Variants in ANKK1 observed in about 807,000 individuals in gnomAD.
ANKK1 encodes ankyrin repeat and protein kinase domain-containing protein 1.
In ANKK1, 37 loss-of-function variants were observed where a neutral mutation model predicts 37.6. The ratio of observed to expected loss-of-function variants is 0.98; its 90% CI spans 0.76 to 1.29. The LOEUF is 1.29. Ranked by LOEUF, ANKK1 falls within the 50% of genes most tolerant of loss-of-function variation. The pLI is 0.00. For synonymous variants in ANKK1, 415 were observed against 418.7 expected, an observed-to-expected ratio of 0.99 and a Z score of 0.11; for missense variants, 1,019 against 990.6, an observed-to-expected ratio of 1.03 and a Z score of -0.39.
At chr11:113,394,260 C>T (rs1407389839) in intron 2 of ANKK1, among the ~76,000 whole-genome samples, 2 of 152,140 alleles carry the variant, frequency 1.3e-5, no homozygotes, top group Non-Finnish European at 2.9e-5. Context: ...CAGTAGGTCC[C>T]CATTATATGC....
At position 113,399,061 on chromosome 11, in the gene ANKK1, C is replaced by A; in HGVS notation, c.1092C>A (p.Thr364=). 1 of 1,603,474 alleles carries A rather than the reference C, an allele frequency of 6.2e-7. No individual in the cohort carries two copies. The highest frequency in any genetic ancestry group is 1.7e-5 in the Admixed American group (1 of 58,808). ...EELCIYENKV[T]PLHFLVAQGS... The stretch of plus-strand genomic sequence containing the variant: ...TGTGTATCTATGAGAACAAGGTCAC[C>A]CCCCTCCACTTCCTGGTGGCCCAGG... Residue 364 remains threonine (T), a synonymous_variant, in exon 8 of 8, where the codon ACC becomes ACA. Coordinates refer to ENST00000303941, the MANE Select transcript of ANKK1 (RefSeq NM_178510.2).
Position 113,395,425 on chromosome 11 carries a change from G to A in ANKK1, c.682+17G>A. ...CATACTCAGGTAAGCAGGCGGCTGT[G>A]GCTCTGTGTTGGGGGCAGGAGGACC... On this transcript the variant is annotated intron_variant, in intron 4 of 7. Transcript: ENST00000303941. 6.2e-7 allele frequency: 1 copy of A among 1,613,712 alleles called. No homozygotes were observed. The highest frequency in any genetic ancestry group is 8.5e-7 in the Non-Finnish European group (1 of 1,179,742).
In ANKK1 at chr11:113,399,138, G is replaced by A. The variant is rs1312514821; in HGVS notation, c.1169G>A (p.Cys390Tyr). The A allele has an allele frequency of 2.5e-6, 4 of 1,594,538 alleles. No individual in the cohort carries two copies. Among genetic ancestry groups the A allele is most frequent in the Non-Finnish European group, 3.4e-6 (4 of 1,170,856 alleles). The change falls in exon 8 of 8, where the codon TGC becomes TAC. Residue 390 changes from cysteine to tyrosine, a missense_variant. Physicochemically the swap from Cys to Tyr is radical, Grantham distance 194 (BLOSUM62 -2). Coordinates refer to ENST00000303941, the MANE Select transcript of ANKK1 (RefSeq NM_178510.2). ...LLLAHEVDVDCQTASGYTPLL... is the reference protein window; with the variant it reads ...LLLAHEVDVDYQTASGYTPLL... ...CTGGCCCACGAGGTAGACGTGGACT[G>A]CCAGACGGCCTCTGGATACACGCCC...
At chr11:113,397,811 C>T (rs1358005742) in intron 6 of ANKK1, among the ~76,000 whole-genome samples, 169 bp from the exon 7 acceptor site, 2 of 152,182 alleles carry the variant, frequency 1.3e-5, no homozygotes, top group Non-Finnish European at 2.9e-5. Context: ...GTGTTTTCCT[C>T]TAGACAGCTG....
chr11:113,393,545 G>C lies in ANKK1; in HGVS notation c.250G>C (p.Val84Leu), dbSNP rs369480293. ...KMKKIKFQHI[V>L]SIYGVCKQPL... ...GAAGAAGATCAAGTTTCAGCACATCGTGTCTATCTACGGGGTGTGCAAGCA... is the reference window on the plus strand; with the variant it reads ...GAAGAAGATCAAGTTTCAGCACATCCTGTCTATCTACGGGGTGTGCAAGCA... Residue 84 changes from valine (V) to leucine (L), a missense_variant, in exon 2 of 8, where the codon GTG (valine) becomes CTG (leucine). Val to Leu is a conservative substitution (Grantham distance 32). Coordinates refer to ENST00000303941, the MANE Select transcript of ANKK1 (RefSeq NM_178510.2). 100 of 1,613,960 alleles carry C rather than the reference G, an allele frequency of 6.2e-5. 1 individual carries two copies. In the African/African-American group the frequency reaches 1.3e-3, roughly 20 times the overall value.
rs778503691 is a variant in ANKK1, at chr11:113,400,016, G to A, written c.2047G>A (p.Ala683Thr). ...TGTCATCAACCTCCTAGAACATCAC[G>A]CAAATGTCCACGCCCGCAACAAGGT... The part of the protein sequence containing the change: ...LSVINLLEHH[A>T]NVHARNKVGW... Residue 683 changes from alanine (A) to threonine (T), a missense_variant, in exon 8 of 8, where the codon GCA becomes ACA. Physicochemically the swap from Ala to Thr is moderately conservative, Grantham distance 58 (BLOSUM62 0). Coordinates refer to ENST00000303941, the MANE Select transcript of ANKK1 (RefSeq NM_178510.2). The A allele has an allele frequency of 2.6e-5, 42 of 1,613,398 alleles. 1 individual carries two copies. Among genetic ancestry groups the A allele is most frequent in the South Asian group, 1.5e-4 (14 of 91,070 alleles).
Position 113,397,985 on chromosome 11 carries a change from T to A in ANKK1, c.963T>A (p.Asn321Lys). The A allele has an allele frequency of 6.4e-7, 1 of 1,562,220 alleles. No homozygotes were observed. The highest frequency in any genetic ancestry group is 8.7e-7 in the Non-Finnish European group (1 of 1,152,764). ...KLSLRQPGEV[N>K]EDISQELMDS... ...TGCTGGTTATGCCTCCCCAGGTTAATGAGGACATCAGCCAGGAACTGATGG... is the reference window on the plus strand; with the variant it reads ...TGCTGGTTATGCCTCCCCAGGTTAAAGAGGACATCAGCCAGGAACTGATGG... Residue 321 changes from asparagine to lysine, a missense_variant, in exon 7 of 8, where the codon AAT becomes AAA. Coordinates refer to ENST00000303941, the MANE Select transcript of ANKK1 (RefSeq NM_178510.2).
Position 113,397,969 on chromosome 11 carries a change from TGC to T in ANKK1, c.958-10_958-9del, listed in dbSNP as rs780438636. On this transcript the variant is annotated splice_polypyrimidine_tract_variant and intron_variant, in intron 6 of 7. Transcript: ENST00000303941. ...TGATCTCCACCCTGCCTGCTGGTTA[TGC>T]CTCCCCAGGTTAATGAGGACATCAG... The T allele has an allele frequency of 6.4e-6, 10 of 1,558,068 alleles. No individual in the cohort carries two copies. Among genetic ancestry groups the T allele is most frequent in the Non-Finnish European group, 8.7e-6 (10 of 1,150,560 alleles).
At position 113,396,237 on chromosome 11, in the gene ANKK1, C is replaced by T. The variant is rs755727113; in HGVS notation, c.838+15C>T. 2 of 1,611,976 alleles carry T rather than the reference C, an allele frequency of 1.2e-6. No individual in the cohort carries two copies. The highest frequency in any genetic ancestry group is 2.2e-5 in the South Asian group (2 of 90,906). On this transcript the variant is annotated intron_variant, in intron 5 of 7. Coordinates refer to ENST00000303941, the MANE Select transcript of ANKK1 (RefSeq NM_178510.2). Reference sequence around the variant, plus strand: ...ATGCTTTCTAGGTGCTTATCCAGTGCCCCCTACCCAGGGACTGGGAGCTGG... The same window carrying T: ...ATGCTTTCTAGGTGCTTATCCAGTGTCCCCTACCCAGGGACTGGGAGCTGG...
At chr11:113,388,779 A>G (rs535602626) in intron 1 of ANKK1, among the ~76,000 whole-genome samples, 108 of 152,160 alleles carry the variant, frequency 7.1e-4, no homozygotes, top group Admixed American at 1.0e-3. Flanking sequence ...CTTCCCACTG[A>G]TTTGGAATCC....
chr11:113,393,488 G>T lies in ANKK1; in HGVS notation c.193G>T (p.Val65Leu), dbSNP rs1210846377. ...TGCTCCCCCTCTCCATAGCTCTGAT[G>T]TGAATTACCTCATTGAAGAAGCTGC... ...CLPPDAASSD[V>L]NYLIEEAAKM... is the part of the protein sequence containing the mutation. The change falls in exon 2 of 8, where the codon GTG (valine) becomes TTG (leucine). Residue 65 changes from valine (V) to leucine (L), a missense_variant. Physicochemically the swap from Val to Leu is conservative, Grantham distance 32. Coordinates refer to ENST00000303941, the MANE Select transcript of ANKK1 (RefSeq NM_178510.2). The T allele has an allele frequency of 8.7e-6, 14 of 1,612,454 alleles. No homozygotes were observed. The highest frequency in any genetic ancestry group is 1.3e-5 in the African/African-American group (1 of 74,884).
At chr11:113,389,892 G>T (rs1950574536) in intron 1 of ANKK1, among the ~76,000 whole-genome samples, 1 of 152,312 alleles carries the variant, frequency 6.6e-6, no homozygotes. Flanking sequence ...AATCAGAATT[G>T]CAGTATGGAG....
rs544888188 is a variant in ANKK1 at position 113,397,230 on chromosome 11, C to T, written c.845C>T (p.Thr282Ile). ...PKKRPCFLDI[T>I]IETDILLSLL... The stretch of plus-strand genomic sequence containing the variant: ...TCTCCCACTCATGGAGCAGACATTA[C>T]CATCGAGACAGACATACTGCTGTCA... Residue 282 changes from threonine (T) to isoleucine (I), a missense_variant, in exon 6 of 8, where the codon ACC becomes ATC. Transcript: ENST00000303941. The T allele has an allele frequency of 6.2e-7, 1 of 1,607,558 alleles. No individual in the cohort carries two copies. Among genetic ancestry groups the T allele is most frequent in the Non-Finnish European group, 8.5e-7 (1 of 1,179,620 alleles).
chr11:113,396,075 A>G lies in ANKK1; in HGVS notation c.691A>G (p.Met231Val). 1 of 1,613,954 alleles carries G rather than the reference A, an allele frequency of 6.2e-7. No individual in the cohort carries two copies. Among genetic ancestry groups the G allele is most frequent in the Non-Finnish European group, 8.5e-7 (1 of 1,179,864 alleles). The part of the protein sequence containing the change: ...TQKKPYSGFN[M>V]MMIIIRVAAG... ...TGAGCCTCCCTTTGCAGGGTTCAAC[A>G]TGATGATGATTATTATCCGAGTGGC... is the stretch of plus-strand genomic sequence containing the variant. The change falls in exon 5 of 8, where the codon ATG (methionine) becomes GTG (valine). Residue 231 changes from methionine to valine, a missense_variant. Physicochemically the swap from Met to Val is conservative, Grantham distance 21. Coordinates refer to ENST00000303941, the MANE Select transcript of ANKK1 (RefSeq NM_178510.2).
chr11:113,388,380 TC>T (rs1358105370), intron 1 of ANKK1, among the ~76,000 whole-genome samples: 7 of 152,102 alleles, frequency 4.6e-5, no homozygotes, highest in Non-Finnish European at 1.0e-4. Context: ...CTTCCATCCT[TC>T]TCTCCAGCGC....
At chr11:113,390,594 G>A (rs1950579600) in intron 1 of ANKK1, among the ~76,000 whole-genome samples, 1 of 152,130 alleles carries the variant, frequency 6.6e-6, no homozygotes. Flanking sequence ...AATTAGCTGG[G>A]CGTGGTGGTG....
At chr11:113,391,140 G>T (rs560627459) in intron 1 of ANKK1, among the ~76,000 whole-genome samples, 2 of 152,228 alleles carry the variant, frequency 1.3e-5, no homozygotes, top group Non-Finnish European at 2.9e-5. Context: ...TTAGGGAGGA[G>T]TGTTCTAGGC....
intron 4 of ANKK1, 84 bp downstream of exon 4, chr11:113,395,492 G>T (rs1950630656): frequency 1.4e-6 from 2 of 1,441,026 alleles, no homozygotes; most frequent in East Asian, 2.3e-5. Context: ...AGGACTGAGG[G>T]TTGGGGGGGG....
chr11:113,392,846 G>C (rs151227592), intron 1 of ANKK1, among the ~76,000 whole-genome samples: 90 of 152,322 alleles, frequency 5.9e-4, no homozygotes, highest in African/African-American at 2.1e-3. Context: ...AAGAACAGCA[G>C]TGTGGGGAAG....
Sources: gnomAD v4.1 joint callset for allele counts (sites outside exome capture counted in the v4.1 genomes callset) on GRCh38, gnomAD v4.1.1 for gene constraint, MANE v1.5 for transcripts, NCBI Gene and HGNC (gene_info 2026-07-23, HGNC 2026-07-21) for gene names.